PAM: variants seen among roughly 807,000 people sequenced by gnomAD.
PAM encodes peptidylglycine alpha-amidating monooxygenase, also known as peptidyl-glycine alpha-amidating monooxygenase.
Under a neutral mutation model 122.1 loss-of-function variants are expected in PAM, and 72 were observed. The observed-to-expected ratio is 0.59, with a 90% CI of 0.49 to 0.72. The LOEUF is 0.72. Among genes scored for constraint, PAM ranks in the 30% least tolerant of loss-of-function variants. PAM has a pLI of 0.00. For missense variants in PAM, 1,106 were observed against 1,183.7 expected (o/e 0.93, Z 0.96); for synonymous variants, 389 against 404.4 (o/e 0.96, Z 0.46).
At chr5:102,824,526 C>G (rs1349147873) in intron 1 of PAM, among the ~76,000 whole-genome samples, 1 of 152,124 alleles carries the variant, frequency 6.6e-6, no homozygotes, top group Non-Finnish European at 1.5e-5. Context: ...AACACTTACA[C>G]TATATTTGAT....
At chr5:102,929,864 C>T (rs1219237864) in intron 7 of PAM, among the ~76,000 whole-genome samples, 12 of 141,758 alleles carry the variant, frequency 8.5e-5, no homozygotes, top group African/African-American at 2.7e-4. Flanking sequence ...ATGTTTTTTG[C>T]GATTCTTTTT....
chr5:103,029,627 G>A lies in PAM; in HGVS notation c.*562G>A, dbSNP rs1441587309. 4 of 152,382 alleles carry A rather than the reference G, an allele frequency of 2.6e-5. No homozygotes were observed. The highest frequency in any genetic ancestry group is 5.9e-5 in the Non-Finnish European group (4 of 67,984). 9.4% of individuals were successfully genotyped at this position (152,382 alleles called of 1,614,324 possible). ...ATTTTCTTCAGTTGGTGTGTTTTTG[G>A]GATGTCTTATTTTTAGATGGTTACA... On this transcript the variant is annotated 3_prime_UTR_variant, in exon 26 of 26. Transcript: ENST00000438793.
chr5:103,018,257 C>CA (rs778037915), intron 22 of PAM, among the ~76,000 whole-genome samples: 2 of 150,392 alleles, frequency 1.3e-5, no homozygotes, highest in Non-Finnish European at 3.0e-5. Context: ...AGATAAAGGA[C>CA]AAAAAAACAA....
chr5:102,884,428 A>G (rs752808501), intron 3 of PAM, among the ~76,000 whole-genome samples: 2 of 151,844 alleles, frequency 1.3e-5, no homozygotes, highest in Non-Finnish European at 2.9e-5. Flanking sequence ...CTGATTAATT[A>G]AAGAATTTAA....
chr5:103,018,804 C>T (rs1782733922), intron 22 of PAM, among the ~76,000 whole-genome samples: 1 of 152,130 alleles, frequency 6.6e-6, no homozygotes, highest in African/African-American at 2.4e-5. Flanking sequence ...TACCGTGATC[C>T]CCAGCCTTTT....
chr5:103,022,515 AAAG>A (rs889416378), intron 23 of PAM, among the ~76,000 whole-genome samples: 34 of 152,200 alleles, frequency 2.2e-4, no homozygotes, highest in African/African-American at 7.5e-4. Context: ...GCATTGCTTT[AAAG>A]AAGAAGAAAA....
chr5:102,985,409 G>C (rs1771479355), intron 15 of PAM, among the ~76,000 whole-genome samples: 1 of 151,818 alleles, frequency 6.6e-6, no homozygotes, highest in African/African-American at 2.4e-5. Flanking sequence ...GAAATATAAA[G>C]AATCATTAGA....
At chr5:102,769,545 G>A (rs1023230748) in intron 1 of PAM, among the ~76,000 whole-genome samples, 2 of 152,160 alleles carry the variant, frequency 1.3e-5, no homozygotes, top group South Asian at 2.1e-4. Context: ...TAAGAGATAC[G>A]GGTCTAGTTT....
intron 22 of PAM, among the ~76,000 whole-genome samples, chr5:103,017,979 G>A (rs971712191): frequency 6.6e-6 from 1 of 152,110 alleles, no homozygotes; most frequent in African/African-American, 2.4e-5. Context: ...GCTCCATCAG[G>A]ATCCTGCCAA....
intron 15 of PAM, among the ~76,000 whole-genome samples, chr5:102,988,342 T>A (rs1013934191): frequency 7.0e-6 from 1 of 143,176 alleles, no homozygotes; most frequent in African/African-American, 3.0e-5. Context: ...CCCAGCCCTA[T>A]CCTTGGGAAG....
chr5:102,884,143 G>T (rs1792222329), intron 3 of PAM, among the ~76,000 whole-genome samples: 1 of 151,790 alleles, frequency 6.6e-6, no homozygotes, highest in Admixed American at 6.6e-5. Context: ...AAAAACACTG[G>T]TTCCCTTGGC....
intron 3 of PAM, among the ~76,000 whole-genome samples, chr5:102,875,837 A>T (rs1789003374): frequency 6.6e-6 from 1 of 152,230 alleles, no homozygotes; most frequent in African/African-American, 2.4e-5. Flanking sequence ...GCCAGCCCAC[A>T]GGCTGAAGTT....
At chr5:102,873,131 G>C (rs988263115) in intron 3 of PAM, among the ~76,000 whole-genome samples, 1 of 151,970 alleles carries the variant, frequency 6.6e-6, no homozygotes, top group Non-Finnish European at 1.5e-5. Context: ...ACTGGAATAA[G>C]TTTTTAGTAC....
intron 1 of PAM, among the ~76,000 whole-genome samples, chr5:102,788,523 A>G (rs928799074): frequency 1.3e-5 from 2 of 152,096 alleles, no homozygotes; most frequent in African/African-American, 4.8e-5. Context: ...GTATCTCTAG[A>G]TTATATTTCC....
intron 1 of PAM, among the ~76,000 whole-genome samples, chr5:102,815,342 A>G (rs754915093): frequency 6.6e-6 from 1 of 152,118 alleles, no homozygotes; most frequent in Admixed American, 6.6e-5. Context: ...GTGTTAGGGC[A>G]ATAGGAGGAG....
intron 1 of PAM, among the ~76,000 whole-genome samples, chr5:102,839,904 A>AAGACCC (rs1459499936): frequency 6.6e-6 from 1 of 152,180 alleles, no homozygotes; most frequent in East Asian, 1.9e-4. Flanking sequence ...GTTATCTGCC[A>AAGACCC]AGACCCACAA....
intron 1 of PAM, among the ~76,000 whole-genome samples, chr5:102,823,360 A>C (rs917876119): frequency 1.3e-5 from 2 of 152,230 alleles, no homozygotes; most frequent in Admixed American, 6.5e-5. Flanking sequence ...TCAGGGAAGA[A>C]CTTTTAAAAA....
At chr5:103,025,461 A>G (rs866282552) in intron 24 of PAM, 127 bp downstream of exon 24, 1 of 703,416 alleles carries the variant, frequency 1.4e-6, no homozygotes, top group Non-Finnish European at 2.5e-6. Flanking sequence ...GCTCTCTACC[A>G]TTTTTGACAT....
chr5:102,901,356 T>A lies in PAM; in HGVS notation c.211T>A (p.Ser71Thr), dbSNP rs1474574346. ...GATTTTTTAATCTTTTTTTTAATAG[T>A]CCGATACATACTTCTGCATGTCTAT... ...IRMPGVTPKQ[S>T]DTYFCMSMRI... Residue 71 changes from serine to threonine, a missense_variant and splice_region_variant, in exon 4 of 26, where the codon TCC (serine) becomes ACC (threonine). By Grantham distance (58) the Ser-to-Thr change is moderately conservative. Around this residue, in one of 3 missense-constraint regions of PAM, gnomAD observed 670 missense variants for 690.3 expected, o/e 0.97. Transcript: ENST00000438793. The A allele has an allele frequency of 1.9e-6, 3 of 1,553,826 alleles. No homozygotes were observed. The African/African-American group carries it at 4.1e-5, about 21-fold the overall frequency.
Sources: allele counts gnomAD v4.1 joint callset (sites outside exome capture counted in the v4.1 genomes callset), GRCh38; gene constraint gnomAD v4.1.1; regional missense constraint gnomAD v4.1.1; transcripts MANE v1.5; gene names NCBI Gene and HGNC (gene_info 2026-07-23, HGNC 2026-07-21).